Variants in SH3GLB1 observed in about 807,000 individuals in gnomAD.
SH3GLB1 encodes the protein SH3 domain containing GRB2 like, endophilin B1, also known as endophilin-B1.
SH3GLB1 carries 17 observed loss-of-function variants against 42.0 expected under a neutral mutation model. The ratio of observed to expected loss-of-function variants is 0.40; its 90% CI spans 0.28 to 0.61. SH3GLB1 has a LOEUF of 0.61. Among genes scored for constraint, SH3GLB1 ranks in the 20% least tolerant of loss-of-function variants. The pLI is 0.36. For missense variants in SH3GLB1, 355 were observed against 426.3 expected (o/e 0.83, Z 1.47); for synonymous variants, 132 against 146.6 (o/e 0.90, Z 0.72).
intron 5 of SH3GLB1, among the ~76,000 whole-genome samples, chr1:86,728,712 G>T (rs541457145): frequency 1.6e-4 from 25 of 152,184 alleles, no homozygotes; most frequent in African/African-American, 5.8e-4. Flanking sequence ...TTTAGAATAT[G>T]AATTTATACA....
At position 86,744,486 on chromosome 1, in the gene SH3GLB1, G is replaced by A. The variant is rs921051945; in HGVS notation, c.*1251G>A. 6.6e-6 allele frequency: 1 copy of A among 152,152 alleles called. No homozygotes were observed. The highest frequency in any genetic ancestry group is 1.5e-5 in the Non-Finnish European group (1 of 68,028). The allele number at this position is 152,152 out of a possible 1,614,324, so 9.4% of individuals were successfully genotyped here. A position where few individuals can be genotyped will look rare whatever the true frequency, so the allele number is the denominator to read the frequency against. ...TCGTGGTGTGATGGGGAAAATACAAGGTACTGTATTTGGGAGTCATGTAAC... is the reference window on the plus strand; with the variant it reads ...TCGTGGTGTGATGGGGAAAATACAAAGTACTGTATTTGGGAGTCATGTAAC... On this transcript the variant is annotated 3_prime_UTR_variant, in exon 9 of 9. Transcript: ENST00000370558.
chr1:86,709,001 A>T (rs184607861), intron 1 of SH3GLB1, among the ~76,000 whole-genome samples: 21 of 152,352 alleles, frequency 1.4e-4, no homozygotes, highest in African/African-American at 3.1e-4. Context: ...AAAAAATTTT[A>T]AAATAAAAGT....
intron 4 of SH3GLB1, 49 bp from the exon 5 acceptor site, chr1:86,724,264 C>A: frequency 1.5e-6 from 2 of 1,323,800 alleles, no homozygotes; most frequent in Non-Finnish European, 2.1e-6. Flanking sequence ...ATGCTCTTAA[C>A]AGAATTTTAG....
chr1:86,740,654 T>G (rs10159374), intron 7 of SH3GLB1, among the ~76,000 whole-genome samples: 3,121 of 152,264 alleles, frequency 0.02, 50 homozygotes, highest in African/African-American at 0.043. Flanking sequence ...GGAAGGGTTG[T>G]GGTTACTGGA....
intron 5 of SH3GLB1, among the ~76,000 whole-genome samples, chr1:86,724,882 A>ATATATATATATATATATAT (rs1429770726): frequency 2.8e-5 from 3 of 106,030 alleles, no homozygotes; most frequent in African/African-American, 1.5e-4. Context: ...TTTAAAAAAA[A>ATATATATATATATATATAT]AAAAAAAAAA....
At chr1:86,723,612 TAA>T (rs1432324115) in intron 4 of SH3GLB1, among the ~76,000 whole-genome samples, 1 of 152,230 alleles carries the variant, frequency 6.6e-6, no homozygotes, top group African/African-American at 2.4e-5. Flanking sequence ...TGAATTATAA[TAA>T]ACTTACATAC....
intron 7 of SH3GLB1, among the ~76,000 whole-genome samples, chr1:86,741,006 G>T (rs985356216): frequency 6.6e-6 from 1 of 152,096 alleles, no homozygotes; most frequent in African/African-American, 2.4e-5. Context: ...GATAAAATAT[G>T]ATAATGTGGG....
chr1:86,724,888 A>ATATATATAT (rs1428217607), intron 5 of SH3GLB1, among the ~76,000 whole-genome samples: 1 of 99,492 alleles, frequency 1.0e-5, no homozygotes, highest in Non-Finnish European at 2.0e-5. Context: ...AAAAAAAAAA[A>ATATATATAT]AAAAATATAT....
At chr1:86,739,697 G>A (rs1184605755) in intron 7 of SH3GLB1, among the ~76,000 whole-genome samples, 6 of 152,078 alleles carry the variant, frequency 3.9e-5, no homozygotes, top group Non-Finnish European at 7.3e-5. Flanking sequence ...GGGCATGTTT[G>A]TAAGCTGATG....
intron 3 of SH3GLB1, 86 bp downstream of exon 3, chr1:86,719,721 T>C (rs968607310): frequency 1.4e-6 from 2 of 1,402,772 alleles, no homozygotes; most frequent in Admixed American, 2.0e-5. Context: ...GTAGGCCGGG[T>C]GCAGTGGCTC....
chr1:86,722,280 C>T (rs1457995575), intron 3 of SH3GLB1, among the ~76,000 whole-genome samples: 1 of 151,714 alleles, frequency 6.6e-6, no homozygotes, highest in African/African-American at 2.4e-5. Flanking sequence ...TATTTGCCCT[C>T]TTTAGTCCCA....
Position 86,743,386 on chromosome 1 carries a change from C to G in SH3GLB1, c.*151C>G, listed in dbSNP as rs982538121. ...ACTGGCCTTTCTGCCAATAAAGTTG[C>G]ATGGTAAATATTTCATTACAGAATT... is the stretch of plus-strand genomic sequence containing the variant. On this transcript the variant is annotated 3_prime_UTR_variant, in exon 9 of 9. Transcript: ENST00000370558. The G allele has an allele frequency of 2.4e-6, 1 of 425,008 alleles. No homozygotes were observed. Among genetic ancestry groups the G allele is most frequent in the Non-Finnish European group, 4.2e-6 (1 of 238,786 alleles). 26.3% of individuals were successfully genotyped at this position (425,008 alleles called of 1,614,324 possible).
intron 2 of SH3GLB1, among the ~76,000 whole-genome samples, chr1:86,717,144 A>C (rs908800856): frequency 6.6e-6 from 1 of 152,182 alleles, no homozygotes; most frequent in Non-Finnish European, 1.5e-5. Flanking sequence ...AAATAAAATA[A>C]GCTTTTTGCA....
intron 1 of SH3GLB1, among the ~76,000 whole-genome samples, 197 bp downstream of exon 1, chr1:86,705,168 C>G (rs527838082): frequency 1.3e-5 from 2 of 152,306 alleles, no homozygotes; most frequent in South Asian, 2.1e-4. Flanking sequence ...GCCCAACCGC[C>G]GCTCCCTGGG....
intron 1 of SH3GLB1, among the ~76,000 whole-genome samples, chr1:86,713,014 T>G (rs2101919908): frequency 6.6e-6 from 1 of 152,330 alleles, no homozygotes; most frequent in Admixed American, 6.5e-5. Context: ...ATTGAAGTGT[T>G]TTATTTTCCA....
At chr1:86,711,493 A>G (rs1447427649) in intron 1 of SH3GLB1, among the ~76,000 whole-genome samples, 3 of 152,176 alleles carry the variant, frequency 2.0e-5, no homozygotes, top group African/African-American at 4.8e-5. Context: ...ATTGAGTTTA[A>G]TGACTTACTA....
chr1:86,732,183 C>T (rs191171687), intron 5 of SH3GLB1, among the ~76,000 whole-genome samples: 1 of 152,348 alleles, frequency 6.6e-6, no homozygotes, highest in East Asian at 1.9e-4. Flanking sequence ...GCAAATGCCT[C>T]AGAAGCATTA....
chr1:86,725,163 A>G (rs888494535), intron 5 of SH3GLB1, among the ~76,000 whole-genome samples: 7 of 151,376 alleles, frequency 4.6e-5, no homozygotes, highest in Non-Finnish European at 8.8e-5. Flanking sequence ...AATTAAGATG[A>G]GACTCAAGTT....
chr1:86,739,649 A>T (rs1235174977), intron 7 of SH3GLB1, among the ~76,000 whole-genome samples: 1 of 152,184 alleles, frequency 6.6e-6, no homozygotes, highest in African/African-American at 2.4e-5. Flanking sequence ...AGTGGGGTCT[A>T]GCAATTTTTT....
Sources: gnomAD v4.1 joint callset for allele counts (sites outside exome capture counted in the v4.1 genomes callset) on GRCh38, gnomAD v4.1.1 for gene constraint, MANE v1.5 for transcripts, NCBI Gene and HGNC (gene_info 2026-07-23, HGNC 2026-07-21) for gene names.